The following ZHX3 variants were observed in gnomAD, a reference collection of about 807,000 sequenced individuals.
ZHX3 encodes the protein zinc fingers and homeoboxes 3.
Under a neutral mutation model 64.5 loss-of-function variants are expected in ZHX3, and 20 were observed. That is an observed-to-expected ratio of 0.31 (90% CI 0.22 to 0.45). ZHX3 has a LOEUF of 0.45. Among genes scored for constraint, ZHX3 ranks in the 20% least tolerant of loss-of-function variants. ZHX3 has a pLI of 1.00. For missense variants in ZHX3, 1,041 were observed against 1,195.8 expected, an observed-to-expected ratio of 0.87 and a Z score of 1.91; for synonymous variants, 423 against 461.6, an observed-to-expected ratio of 0.92 and a Z score of 1.07.
rs970756070 is a variant in ZHX3, at chr20:41,274,348, T to C, written c.-244-5265A>G. 5.3e-5 allele frequency among the ~76,000 whole-genome samples: 8 copies of C among 152,216 alleles called. No homozygotes were observed. In the East Asian group the frequency reaches 1.3e-3, roughly 26 times the overall value. On this transcript the variant is annotated intron_variant, in intron 1 of 3. Transcript: ENST00000683867. ...CGCAGAACAGTATCAGGAACTCTTT[T>C]TCATGTAGTTCAAATCCCCCCAAAT...
At chr20:41,190,447 A>T (rs1220183474) in intron 3 of ZHX3, among the ~76,000 whole-genome samples, 1 of 152,244 alleles carries the variant, frequency 6.6e-6, no homozygotes, top group Non-Finnish European at 1.5e-5. Context: ...CTGGAATTAC[A>T]GGCATGAGCC....
In ZHX3 at chr20:41,278,392, A is replaced by G. The variant is rs1297360430; in HGVS notation, c.-244-9309T>C. On this transcript the variant is annotated intron_variant, in intron 1 of 3. Transcript: ENST00000683867. ...GTTGGGGGAAAGCTCATGTAAGCCA[A>G]AACTATCCACTACCAAAAGATAAGC... 1.4e-5 allele frequency among the ~76,000 whole-genome samples: 2 copies of G among 140,048 alleles called. 1 individual carries two copies. The highest frequency in any genetic ancestry group is 3.1e-5 in the Non-Finnish European group (2 of 64,174). 91.9% of individuals were successfully genotyped at this position (140,048 alleles called of 152,430 possible).
At chr20:41,260,898 C>A (rs766050370) in intron 2 of ZHX3, among the ~76,000 whole-genome samples, 4 of 152,338 alleles carry the variant, frequency 2.6e-5, no homozygotes, top group Non-Finnish European at 5.9e-5. Flanking sequence ...TAAACTCAGG[C>A]AGTCTGGTTC....
At chr20:41,236,339 C>T (rs1470076126) in intron 2 of ZHX3, among the ~76,000 whole-genome samples, 2 of 152,298 alleles carry the variant, frequency 1.3e-5, no homozygotes, top group African/African-American at 2.4e-5. Context: ...AAGAACAAAG[C>T]TGGAGGCATC....
In ZHX3 at chr20:41,200,642, C is replaced by G. The variant is rs751757072; in HGVS notation, c.2860+1415G>C. 6.6e-6 allele frequency among the ~76,000 whole-genome samples: 1 copy of G among 152,124 alleles called. No homozygotes were observed. Among genetic ancestry groups the G allele is most frequent in the Non-Finnish European group, 1.5e-5 (1 of 68,020 alleles). On this transcript the variant is annotated intron_variant, in intron 3 of 3. Transcript: ENST00000683867. The surrounding 1 kb of genome is among the most constrained non-coding windows in gnomAD (Gnocchi z 4.2). ...AGCCAGTGGCCCTTGTACTCCTACC[C>G]TAAGTGCTGACCAGGGCTTTGGGCT... is the stretch of plus-strand genomic sequence containing the variant.
chr20:41,311,077 G>A (rs2045120891), intron 1 of ZHX3, among the ~76,000 whole-genome samples: 1 of 151,964 alleles, frequency 6.6e-6, no homozygotes, highest in African/African-American at 2.4e-5. Flanking sequence ...CAAAGTGCTG[G>A]GATTACAGGC....
chr20:41,259,223 G>C (rs2042431490), intron 2 of ZHX3, among the ~76,000 whole-genome samples: 1 of 152,098 alleles, frequency 6.6e-6, no homozygotes, highest in South Asian at 2.1e-4. Context: ...TTCTTTTTGG[G>C]AGGCCAAAGA....
At chr20:41,310,677 GA>G (rs2045104480) in intron 1 of ZHX3, among the ~76,000 whole-genome samples, 1 of 145,422 alleles carries the variant, frequency 6.9e-6, no homozygotes, top group South Asian at 2.1e-4. Flanking sequence ...AGATGGGGAA[GA>G]GGTTTTTTTT....
At chr20:41,304,192 T>C (rs2044907343) in intron 1 of ZHX3, among the ~76,000 whole-genome samples, 1 of 152,206 alleles carries the variant, frequency 6.6e-6, no homozygotes, top group Non-Finnish European at 1.5e-5. Flanking sequence ...TCACTAAATG[T>C]TGGTATTTCC....
intron 2 of ZHX3, among the ~76,000 whole-genome samples, chr20:41,221,503 TG>T (rs1325896086): frequency 6.6e-5 from 10 of 151,976 alleles, no homozygotes; most frequent in Non-Finnish European, 4.4e-5. Context: ...TGCCAGAATA[TG>T]GGGAAGACAA....
chr20:41,306,901 T>G (rs2044996754), intron 1 of ZHX3, among the ~76,000 whole-genome samples: 1 of 152,042 alleles, frequency 6.6e-6, no homozygotes, highest in Admixed American at 6.6e-5. Flanking sequence ...AGCCTTAACA[T>G]GGGAAAGGAA....
chr20:41,248,267 T>C (rs1024236787), intron 2 of ZHX3, among the ~76,000 whole-genome samples: 3 of 152,180 alleles, frequency 2.0e-5, no homozygotes, highest in Non-Finnish European at 4.4e-5. Flanking sequence ...CTTGTACATT[T>C]TTCTACTACT....
At chr20:41,248,026 G>A (rs550647419) in intron 2 of ZHX3, among the ~76,000 whole-genome samples, 15 of 152,248 alleles carry the variant, frequency 9.9e-5, no homozygotes, top group African/African-American at 2.9e-4. Flanking sequence ...AGGTCCCTGC[G>A]CCTCTCCAGT....
At chr20:41,305,172 C>T (rs180978272) in intron 1 of ZHX3, among the ~76,000 whole-genome samples, 1 of 152,324 alleles carries the variant, frequency 6.6e-6, no homozygotes, top group Non-Finnish European at 1.5e-5. Context: ...AAAATACCTA[C>T]AACGAAATGT....
At chr20:41,191,886 A>T (rs1462232236) in intron 3 of ZHX3, among the ~76,000 whole-genome samples, 1 of 152,228 alleles carries the variant, frequency 6.6e-6, no homozygotes, top group African/African-American at 2.4e-5. Context: ...CAGTGGTAGC[A>T]GCAGTGGACA....
At chr20:41,188,087 C>T (rs1191696845) in intron 3 of ZHX3, among the ~76,000 whole-genome samples, 2 of 152,178 alleles carry the variant, frequency 1.3e-5, no homozygotes, top group African/African-American at 4.8e-5. Flanking sequence ...TCACACCCTT[C>T]CCAACCTGTG....
chr20:41,311,441 A>G, intron 1 of ZHX3, among the ~76,000 whole-genome samples: 1 of 152,254 alleles, frequency 6.6e-6, no homozygotes, highest in African/African-American at 2.4e-5. Flanking sequence ...AAAGCAAACT[A>G]TCTATATGCT....
intron 3 of ZHX3, among the ~76,000 whole-genome samples, chr20:41,186,391 T>C (rs1368152501): frequency 6.6e-6 from 1 of 152,250 alleles, no homozygotes; most frequent in African/African-American, 2.4e-5. Context: ...ATTTTCTTTA[T>C]TTATCTGGTG....
intron 3 of ZHX3, among the ~76,000 whole-genome samples, chr20:41,187,373 G>T (rs2036608496): frequency 6.7e-6 from 1 of 149,876 alleles, no homozygotes; most frequent in Admixed American, 6.6e-5. Flanking sequence ...TCAAAAATCT[G>T]GAAGGATTCT....
Sources: allele counts gnomAD v4.1 joint callset (sites outside exome capture counted in the v4.1 genomes callset), GRCh38; gene constraint gnomAD v4.1.1; non-coding constraint Gnocchi (gnomAD v3.1); transcripts MANE v1.5; gene names NCBI Gene and HGNC (gene_info 2026-07-23, HGNC 2026-07-21).